The following SLC39A8 variants were observed in gnomAD, a reference collection of about 807,000 sequenced individuals.
SLC39A8 encodes metal cation symporter ZIP8.
Under a neutral mutation model 40.4 loss-of-function variants are expected in SLC39A8, and 15 were observed. The ratio of observed to expected loss-of-function variants is 0.37; its 90% CI spans 0.25 to 0.57. SLC39A8 has a LOEUF of 0.57. SLC39A8 is among the 20% of genes least tolerant of loss of function. The pLI is 0.75. For synonymous variants in SLC39A8, 223 were observed against 221.6 expected, an observed-to-expected ratio of 1.01 and a Z score of -0.06; for missense variants, 472 against 558.8, an observed-to-expected ratio of 0.84 and a Z score of 1.57.
At chr4:102,327,640 T>C (rs1479806034) in intron 2 of SLC39A8, among the ~76,000 whole-genome samples, 1 of 152,244 alleles carries the variant, frequency 6.6e-6, no homozygotes, top group African/African-American at 2.4e-5. Context: ...AAATGGATAT[T>C]CCTTCAATAA....
At chr4:102,316,652 A>G (rs915356769) in intron 2 of SLC39A8, among the ~76,000 whole-genome samples, 1 of 152,170 alleles carries the variant, frequency 6.6e-6, no homozygotes. Flanking sequence ...CATTCACTCA[A>G]ATGGAAGAGT....
chr4:102,341,987 T>C (rs1735964033), intron 2 of SLC39A8, among the ~76,000 whole-genome samples: 1 of 152,176 alleles, frequency 6.6e-6, no homozygotes, highest in South Asian at 2.1e-4. Context: ...ACATGTGCAT[T>C]GTTTATTCCA....
intron 6 of SLC39A8, among the ~76,000 whole-genome samples, chr4:102,285,255 TA>T (rs1191601112): frequency 6.6e-6 from 1 of 152,144 alleles, no homozygotes; most frequent in Non-Finnish European, 1.5e-5. Context: ...TACTTCTAAA[TA>T]AATTGAGCCA....
intron 3 of SLC39A8, among the ~76,000 whole-genome samples, chr4:102,309,135 A>C (rs2149036441): frequency 6.6e-6 from 1 of 152,240 alleles, no homozygotes; most frequent in East Asian, 1.9e-4. Context: ...TTGTTAGTCT[A>C]GAATTTCTAT....
At chr4:102,328,906 T>C (rs1735332306) in intron 2 of SLC39A8, among the ~76,000 whole-genome samples, 1 of 151,808 alleles carries the variant, frequency 6.6e-6, no homozygotes, top group African/African-American at 2.4e-5. Context: ...TGGGCGCCTG[T>C]AGTCCCAGCT....
chr4:102,268,399 T>C (rs1268257348), intron 6 of SLC39A8, among the ~76,000 whole-genome samples: 1 of 152,260 alleles, frequency 6.6e-6, no homozygotes, highest in East Asian at 1.9e-4. Flanking sequence ...CTAAGAAATT[T>C]ATTTATACAC....
chr4:102,344,464 C>T lies in SLC39A8; in HGVS notation c.199G>A (p.Gly67Ser). Residue 67 changes from glycine (G) to serine (S), a missense_variant, in exon 2 of 9, where the codon GGC (glycine) becomes AGC (serine). Gly to Ser is a moderately conservative substitution (Grantham distance 56, BLOSUM62 0). Transcript: ENST00000356736. ...AASRVGVPEP[G>S]QLHFNQCLTA... The stretch of plus-strand genomic sequence containing the variant: ...CTTACCTGGTTGAAGTGCAGCTGGC[C>T]AGGCTCCGGGACGCCCACGCGGGAG... The T allele has an allele frequency of 1.9e-6, 3 of 1,543,158 alleles. No homozygotes were observed. Among genetic ancestry groups the T allele is most frequent in the Non-Finnish European group, 2.6e-6 (3 of 1,143,834 alleles).
At chr4:102,294,744 C>A (rs542706564) in intron 6 of SLC39A8, among the ~76,000 whole-genome samples, 2 of 151,708 alleles carry the variant, frequency 1.3e-5, no homozygotes, top group Admixed American at 6.6e-5. Context: ...TTTTCTTTAA[C>A]ACAAATCATT....
At chr4:102,253,448 G>A in intron 11 of SLC39A8, 1 of 714,340 alleles carries the variant, frequency 1.4e-6, no homozygotes, top group Non-Finnish European at 2.6e-6. Flanking sequence ...ACAAAGAGAA[G>A]GAACATAGTA....
intron 2 of SLC39A8, among the ~76,000 whole-genome samples, chr4:102,336,758 T>C (rs1400342268): frequency 6.6e-6 from 1 of 152,186 alleles, no homozygotes. Flanking sequence ...TGCTCCCAAA[T>C]CCTATCAACA....
chr4:102,288,008 T>C (rs1330304260), intron 6 of SLC39A8, among the ~76,000 whole-genome samples: 1 of 152,106 alleles, frequency 6.6e-6, no homozygotes, highest in Non-Finnish European at 1.5e-5. Context: ...CATTATTATT[T>C]CTATTAGTTA....
At chr4:102,328,627 G>A (rs1735317666) in intron 2 of SLC39A8, among the ~76,000 whole-genome samples, 1 of 152,222 alleles carries the variant, frequency 6.6e-6, no homozygotes. Flanking sequence ...TCGCCTAAAT[G>A]TCAGACATTA....
At chr4:102,291,862 C>G (rs1239496929) in intron 6 of SLC39A8, among the ~76,000 whole-genome samples, 1 of 151,906 alleles carries the variant, frequency 6.6e-6, no homozygotes, top group Non-Finnish European at 1.5e-5. Context: ...GAATACTATG[C>G]AGCCTTTAAA....
downstream of SLC39A8, among the ~76,000 whole-genome samples, chr4:102,261,445 C>A (rs1458442817): frequency 6.6e-6 from 1 of 152,190 alleles, no homozygotes; most frequent in African/African-American, 2.4e-5. Flanking sequence ...TAGGGCCCTA[C>A]TAAGTAACGA....
Position 102,304,201 on chromosome 4 carries a change from T to C in SLC39A8, c.840+116A>G, listed in dbSNP as rs1734034756. 4.4e-6 allele frequency: 3 copies of C among 675,228 alleles called. No homozygotes were observed. In the South Asian group the frequency reaches 7.4e-5, roughly 17 times the overall value. The allele number at this position is 675,228 out of a possible 1,614,324, so 41.8% of individuals were successfully genotyped here. A position where few individuals can be genotyped will look rare whatever the true frequency, so the allele number is the denominator to read the frequency against. ...TTACATTCCAGTTACCCCACATATA[T>C]AGGAATAAGTCTGACATACATAAAT... On this transcript the variant is annotated intron_variant, in intron 6 of 8. Transcript: ENST00000356736.
chr4:102,312,921 A>G (rs1418193671), intron 3 of SLC39A8, among the ~76,000 whole-genome samples: 2 of 152,164 alleles, frequency 1.3e-5, no homozygotes, highest in Admixed American at 1.3e-4. Context: ...GTGCAATACT[A>G]TTAGTCAAGG....
intron 8 of SLC39A8, among the ~76,000 whole-genome samples, chr4:102,266,455 C>G (rs151400): frequency 6.6e-6 from 1 of 152,034 alleles, no homozygotes; most frequent in Non-Finnish European, 1.5e-5. Context: ...AAATAAAAAA[C>G]TCAAATTATT....
chr4:102,256,584 C>A (rs1358322350), intron 11 of SLC39A8, among the ~76,000 whole-genome samples: 1 of 152,156 alleles, frequency 6.6e-6, no homozygotes, highest in Non-Finnish European at 1.5e-5. Context: ...ACAAATTAAT[C>A]TAACCTAATG....
chr4:102,312,791 T>C (rs942812455), intron 3 of SLC39A8, among the ~76,000 whole-genome samples: 1 of 152,120 alleles, frequency 6.6e-6, no homozygotes, highest in African/African-American at 2.4e-5. Flanking sequence ...AGAAAGGTAC[T>C]ATTTTAGATG....
Sources: gnomAD v4.1 joint callset for allele counts (sites outside exome capture counted in the v4.1 genomes callset) on GRCh38, gnomAD v4.1.1 for gene constraint, MANE v1.5 for transcripts, NCBI Gene and HGNC (gene_info 2026-07-23, HGNC 2026-07-21) for gene names.